The following FNBP1L variants were observed in gnomAD, a reference collection of about 807,000 sequenced individuals.
The protein encoded by FNBP1L is formin binding protein 1 like, also known as formin-binding protein 1-like.
FNBP1L carries 36 observed loss-of-function variants against 91.2 expected under a neutral mutation model. That is an observed-to-expected ratio of 0.39 (90% CI 0.30 to 0.52). FNBP1L has a LOEUF of 0.52. FNBP1L is among the 20% of genes least tolerant of loss of function. The pLI is 0.66. For synonymous variants in FNBP1L, 242 were observed against 237.0 expected, an observed-to-expected ratio of 1.02 and a Z score of -0.19; for missense variants, 571 against 732.1, an observed-to-expected ratio of 0.78 and a Z score of 2.54.
At position 93,551,059 on chromosome 1, in the gene FNBP1L, C is replaced by T. The variant is rs781583113; in HGVS notation, c.1764C>T (p.Tyr588=). The change falls in exon 16 of 17, where the codon TAC becomes TAT. Residue 588 remains tyrosine (Y), a synonymous_variant. Coordinates refer to ENST00000271234, the MANE Select transcript of FNBP1L (RefSeq NM_001164473.3). ...GGAGACAGAACGGTGAAGAAGGCTA[C>T]GTTCCCACGTCATACATAGATGTAA... ...RARRQNGEEG[Y]VPTSYIDVTL... 1.6e-5 allele frequency: 25 copies of T among 1,612,260 alleles called. No individual in the cohort carries two copies. The highest frequency in any genetic ancestry group is 2.2e-5 in the East Asian group (1 of 44,864).
chr1:93,468,310 T>G (rs1669159222), intron 1 of FNBP1L, among the ~76,000 whole-genome samples: 1 of 152,220 alleles, frequency 6.6e-6, no homozygotes, highest in African/African-American at 2.4e-5. Flanking sequence ...CTGAATAATA[T>G]TCCCTTGTAT....
intron 5 of FNBP1L, among the ~76,000 whole-genome samples, chr1:93,525,045 A>G (rs531564325): frequency 6.7e-6 from 1 of 149,094 alleles, no homozygotes; most frequent in Non-Finnish European, 1.5e-5. Flanking sequence ...AATGCTCTAT[A>G]ATCTGTGTCA....
chr1:93,464,017 T>TA (rs1201394251), intron 1 of FNBP1L, among the ~76,000 whole-genome samples: 1 of 152,176 alleles, frequency 6.6e-6, no homozygotes, highest in Non-Finnish European at 1.5e-5. Flanking sequence ...TTCACTACCC[T>TA]AAAAATCCCC....
At chr1:93,515,764 G>C (rs1229395270) in intron 2 of FNBP1L, among the ~76,000 whole-genome samples, 1 of 129,480 alleles carries the variant, frequency 7.7e-6, no homozygotes, top group South Asian at 3.1e-4. Flanking sequence ...GGGGACTGTT[G>C]TGGGGTGGGG....
intron 1 of FNBP1L, among the ~76,000 whole-genome samples, chr1:93,459,100 C>T (rs1044428365): frequency 5.9e-5 from 9 of 152,168 alleles, no homozygotes; most frequent in Non-Finnish European, 1.3e-4. Flanking sequence ...CATGACAAAA[C>T]ACCGTCTCCA....
At chr1:93,459,979 T>TG (rs1557774013) in intron 1 of FNBP1L, among the ~76,000 whole-genome samples, 210 of 47,228 alleles carry the variant, frequency 4.4e-3, no homozygotes, top group African/African-American at 7.7e-3. Context: ...GTGTGTGTGT[T>TG]TTTGGGATAT....
intron 1 of FNBP1L, among the ~76,000 whole-genome samples, chr1:93,494,264 C>G (rs1009867530): frequency 6.6e-6 from 1 of 152,078 alleles, no homozygotes; most frequent in South Asian, 2.1e-4. Flanking sequence ...GAAGAGGTAC[C>G]TAGGGTAAGA....
chr1:93,510,760 AGGAGCTGAT>A (rs1186727664), intron 2 of FNBP1L, among the ~76,000 whole-genome samples: 1 of 152,180 alleles, frequency 6.6e-6, no homozygotes, highest in Non-Finnish European at 1.5e-5. Context: ...AAGTGCTTAA[AGGAGCTGAT>A]GGAGCTGAAA....
At chr1:93,484,738 ATAGT>A (rs919759321) in intron 1 of FNBP1L, among the ~76,000 whole-genome samples, 3 of 152,224 alleles carry the variant, frequency 2.0e-5, no homozygotes, top group Non-Finnish European at 1.5e-5. Flanking sequence ...TAGATTTAAA[ATAGT>A]TAATCTTAAA....
chr1:93,502,405 A>G (rs549509698), intron 2 of FNBP1L, among the ~76,000 whole-genome samples: 1 of 152,194 alleles, frequency 6.6e-6, no homozygotes, highest in South Asian at 2.1e-4. Context: ...AATTTATAAG[A>G]TTAAAAAAAA....
intron 2 of FNBP1L, among the ~76,000 whole-genome samples, chr1:93,519,673 A>G (rs528254693): frequency 6.6e-6 from 1 of 152,318 alleles, no homozygotes; most frequent in Admixed American, 6.5e-5. Flanking sequence ...TTGAAGGCCA[A>G]GGAGGATGAC....
intron 1 of FNBP1L, among the ~76,000 whole-genome samples, chr1:93,494,291 G>A (rs533414808): frequency 1.3e-5 from 2 of 152,312 alleles, no homozygotes; most frequent in African/African-American, 4.8e-5. Flanking sequence ...AAGACCCAGG[G>A]TGCATGATCT....
chr1:93,480,504 G>A (rs1669660269), intron 1 of FNBP1L, among the ~76,000 whole-genome samples: 1 of 152,166 alleles, frequency 6.6e-6, no homozygotes, highest in African/African-American at 2.4e-5. Context: ...ATGCATTGGA[G>A]TGTGCTTCCC....
chr1:93,531,467 A>G (rs1671675645), intron 7 of FNBP1L, among the ~76,000 whole-genome samples: 1 of 152,238 alleles, frequency 6.6e-6, no homozygotes, highest in Admixed American at 6.5e-5. Flanking sequence ...TGTTCTAGAA[A>G]GAAGAGAAAT....
intron 1 of FNBP1L, among the ~76,000 whole-genome samples, chr1:93,457,549 T>C (rs1415288714): frequency 6.6e-6 from 1 of 152,150 alleles, no homozygotes; most frequent in Non-Finnish European, 1.5e-5. Flanking sequence ...TTTTTCAAGA[T>C]TGGCAAACAT....
Position 93,539,401 on chromosome 1 carries a change from C to G in FNBP1L, c.1150-1641C>G, listed in dbSNP as rs562551581. Among the ~76,000 whole-genome samples, 5 of 151,820 alleles carry G rather than the reference C, an allele frequency of 3.3e-5. No individual in the cohort carries two copies. The East Asian group carries it at 9.6e-4, about 29-fold the overall frequency. ...TATGGAACATGTATTACTTTAAAAC[C>G]TTACACAGAACATATGTCTAATATT... is the stretch of plus-strand genomic sequence containing the variant. On this transcript the variant is annotated intron_variant, in intron 10 of 16. Transcript: ENST00000271234.
intron 1 of FNBP1L, among the ~76,000 whole-genome samples, chr1:93,481,345 C>T (rs548110188): frequency 6.6e-6 from 1 of 152,122 alleles, no homozygotes; most frequent in African/African-American, 2.4e-5. Flanking sequence ...TTTATTATCA[C>T]TATCAGCCTG....
At chr1:93,545,115 T>G (rs901154580) in intron 12 of FNBP1L, among the ~76,000 whole-genome samples, 11 of 152,166 alleles carry the variant, frequency 7.2e-5, no homozygotes, top group African/African-American at 1.4e-4. Flanking sequence ...CTGTAACTCA[T>G]GCTTGAACAA....
At chr1:93,488,134 C>T (rs537986924) in intron 1 of FNBP1L, among the ~76,000 whole-genome samples, 3 of 152,138 alleles carry the variant, frequency 2.0e-5, no homozygotes, top group Non-Finnish European at 4.4e-5. Flanking sequence ...ACATTACCTT[C>T]GGAATATATC....
Sources: allele counts gnomAD v4.1 joint callset (sites outside exome capture counted in the v4.1 genomes callset), GRCh38; gene constraint gnomAD v4.1.1; transcripts MANE v1.5; gene names NCBI Gene and HGNC (gene_info 2026-07-23, HGNC 2026-07-21).